Variants in AIRE observed in about 807,000 individuals in gnomAD.
AIRE encodes the protein autoimmune polyendocrinopathy candidiasis ectodermal dystrophy protein.
Under a neutral mutation model 62.1 loss-of-function variants are expected in AIRE, and 52 were observed. That is an observed-to-expected ratio of 0.84 (90% confidence interval 0.67 to 1.06). The LOEUF (loss-of-function observed/expected upper bound fraction) is 1.06. Among genes scored for constraint, AIRE ranks in the 50% least tolerant of loss-of-function variants. The pLI is 0.00. For missense variants in AIRE, 774 were observed against 755.8 expected, an observed-to-expected ratio of 1.02 and a Z score of -0.28; for synonymous variants, 342 against 321.6, an observed-to-expected ratio of 1.06 and a Z score of -0.68.
intron 13 of AIRE, among the ~76,000 whole-genome samples, chr21:44,296,941 CTCTG>C (rs34222038): frequency 0.17 from 25,305 of 152,104 alleles, 2,206 homozygotes; most frequent in East Asian, 0.22. Flanking sequence ...CTTTTAAGGG[CTCTG>C]TCTGTTTTTG....
Position 44,290,020 on chromosome 21 carries a change from C to T in AIRE, c.831C>T (p.Gly277=), listed in dbSNP as rs1180944731. Residue 277 remains glycine, a synonymous_variant, in exon 7 of 14, where the codon GGC becomes GGT. Transcript: ENST00000291582. ...GTGAGGCTAGGCTGGGCCAGCAGGG[C>T]AGCGTTCCCGCCCCTCTGGCCCTCC... ...GGGEARLGQQ[G]SVPAPLALPS... 6.2e-7 allele frequency: 1 copy of T among 1,611,080 alleles called. No homozygotes were observed. The highest frequency in any genetic ancestry group is 8.5e-7 in the Non-Finnish European group (1 of 1,179,478).
intron 10 of AIRE, 136 bp from the exon 11 acceptor site, chr21:44,293,653 G>T (rs908346807): frequency 1.3e-5 from 18 of 1,414,292 alleles, no homozygotes; most frequent in Non-Finnish European, 9.5e-7. Flanking sequence ...GCGTGGCACC[G>T]TGAGGCTCCT....
intron 10 of AIRE, among the ~76,000 whole-genome samples, chr21:44,293,581 T>C (rs1601969621): frequency 6.6e-6 from 1 of 152,060 alleles, no homozygotes; most frequent in Non-Finnish European, 1.5e-5. Context: ...GGCAGCAGCC[T>C]GAGGGTGCTT....
Position 44,296,463 on chromosome 21 carries a change from C to T in AIRE, c.1566+18C>T. 6.2e-7 allele frequency: 1 copy of T among 1,606,158 alleles called. No individual in the cohort carries two copies. Among genetic ancestry groups the T allele is most frequent in the Non-Finnish European group, 8.5e-7 (1 of 1,174,146 alleles). ...TGAGCGAGGTAACGCCTCCCCTGGC[C>T]TCCTGGTGCTCCTCCACTCCCCCTC... On this transcript the variant is annotated intron_variant, in intron 13 of 13. Coordinates refer to ENST00000291582, the MANE Select transcript of AIRE (RefSeq NM_000383.4).
Position 44,287,168 on chromosome 21 carries a change from C to G in AIRE, c.463+35C>G, listed in dbSNP as rs755062200. The G allele has an allele frequency of 1.9e-4, 313 of 1,609,364 alleles. 3 individuals are homozygous for G. The highest frequency in any genetic ancestry group is 3.6e-5 in the Non-Finnish European group (43 of 1,179,466). On this transcript the variant is annotated intron_variant, in intron 3 of 13. Transcript: ENST00000291582. The surrounding 1 kb of genome is among the most constrained non-coding windows in gnomAD (Gnocchi z 4.3). ...CTGCAGGGGAAGCCAGCCAGGGTCT[C>G]CAGTCTTCCCGGGCTTCCCCGGGAG... is the stretch of plus-strand genomic sequence containing the variant.
chr21:44,294,056 C>T (rs2040578043), intron 11 of AIRE, 146 bp downstream of exon 11: 1 of 1,125,632 alleles, frequency 8.9e-7, no homozygotes, highest in Admixed American at 2.1e-5. Flanking sequence ...CCACCCCACA[C>T]CCATGCCCTG....
Position 44,285,934 on chromosome 21 carries a change from G to T in AIRE, c.-73G>T. On this transcript the variant is annotated 5_prime_UTR_variant, in exon 1 of 14. In the 5' UTR this introduces an upstream ATG that the reference lacks. Coordinates refer to ENST00000291582, the MANE Select transcript of AIRE (RefSeq NM_000383.4). ...GCCCCACAGCCCCGCCGGGACCCGA[G>T]GCCAAGCGAGGGGCTGCCAGTGTCC... 6.9e-7 allele frequency: 1 copy of T among 1,448,758 alleles called. No individual in the cohort carries two copies. The highest frequency in any genetic ancestry group is 1.3e-5 in the South Asian group (1 of 78,490). The allele number at this position is 1,448,758 out of a possible 1,614,324, so 89.7% of individuals were successfully genotyped here.
chr21:44,292,397 C>A lies in AIRE; in HGVS notation c.1091C>A (p.Thr364Asn), dbSNP rs757362732. ...EPRPQEPPVE[T>N]PLPPGLRSAG... Reference sequence around the variant, plus strand: ...CGGCCCCAGGAGCCACCCGTGGAGACCCCGGTATGGCCACGCCCCCTCCTA... The same window carrying A: ...CGGCCCCAGGAGCCACCCGTGGAGAACCCGGTATGGCCACGCCCCCTCCTA... Residue 364 changes from threonine to asparagine, a missense_variant, in exon 9 of 14, where the codon ACC becomes AAC. Around this residue, in one of 3 missense-constraint regions of AIRE, gnomAD observed 354 missense variants for 296.1 expected, o/e 1.20. Transcript: ENST00000291582. 3.2e-6 allele frequency: 5 copies of A among 1,550,726 alleles called. No individual in the cohort carries two copies. Among genetic ancestry groups the A allele is most frequent in the East Asian group, 2.4e-5 (1 of 41,372 alleles).
Position 44,293,839 on chromosome 21 carries a change from G to T in AIRE, c.1329G>T (p.Val443=), listed in dbSNP as rs370017667. The stretch of plus-strand genomic sequence containing the variant: ...GGGTGTGCGGAGATGGTACGGACGT[G>T]CTGCGGTGTACTCACTGCGCCGCTG... ...RCGVCGDGTD[V]LRCTHCAAAF... The change falls in exon 11 of 14, where the codon GTG becomes GTT. Residue 443 remains valine, a synonymous_variant. Coordinates refer to ENST00000291582, the MANE Select transcript of AIRE (RefSeq NM_000383.4). The T allele has an allele frequency of 6.3e-7, 1 of 1,597,004 alleles. No homozygotes were observed. Among genetic ancestry groups the T allele is most frequent in the Non-Finnish European group, 8.5e-7 (1 of 1,179,608 alleles).
chr21:44,289,658 C>A lies in AIRE; in HGVS notation c.654C>A (p.Gly218=), dbSNP rs146377356. Residue 218 remains glycine, a splice_region_variant and synonymous_variant, in exon 6 of 14, where the codon GGC becomes GGA. Transcript: ENST00000291582. ...GGACCAGCCGGCATCTCCTCCCAGG[C>A]GGCTCCAAGAAGTGCATCCAGGTTG... ...GILIQQVFES[G]GSKKCIQVGG... The A allele has an allele frequency of 1.6e-5, 26 of 1,612,712 alleles. No individual in the cohort carries two copies. The African/African-American group carries it at 2.4e-4, about 15-fold the overall frequency.
intron 10 of AIRE, 38 bp downstream of exon 10, chr21:44,293,213 G>C: frequency 6.6e-7 from 1 of 1,515,854 alleles, no homozygotes. Flanking sequence ...GCTCTTCAAG[G>C]AGCCCAGGAC....
chr21:44,296,893 G>A (rs563733908), intron 13 of AIRE, among the ~76,000 whole-genome samples: 6 of 152,176 alleles, frequency 3.9e-5, no homozygotes, highest in Non-Finnish European at 5.9e-5. Context: ...GCCTCTCTAC[G>A]CTAAGATGGG....
chr21:44,292,050 T>C (rs2040546591), intron 8 of AIRE, among the ~76,000 whole-genome samples: 1 of 152,160 alleles, frequency 6.6e-6, no homozygotes, highest in African/African-American at 2.4e-5. Flanking sequence ...TCGCAGGTGT[T>C]GGGGATTCCT....
At chr21:44,290,556 G>A in intron 7 of AIRE, 2 of 769,066 alleles carry the variant, frequency 2.6e-6, no homozygotes, top group Non-Finnish European at 3.2e-6. Context: ...TGCCCTGCAG[G>A]AGCACCCGGG....
rs1292703016 is a variant in AIRE, at chr21:44,287,367, T to G, written c.464-150T>G. 1.4e-6 allele frequency: 1 copy of G among 715,808 alleles called. No homozygotes were observed. Among genetic ancestry groups the G allele is most frequent in the East Asian group, 2.7e-5 (1 of 36,864 alleles). 44.3% of individuals were successfully genotyped at this position (715,808 alleles called of 1,614,324 possible). ...GTGAAGTAGGCGGGCGGGTCTCATT[T>G]CCCTTTTACTGATGAGAAACCAGAG... On this transcript the variant is annotated intron_variant, in intron 3 of 13. Coordinates refer to ENST00000291582, the MANE Select transcript of AIRE (RefSeq NM_000383.4). The surrounding 1 kb of genome is among the most constrained non-coding windows in gnomAD (Gnocchi z 4.3).
rs768310786 is a variant in AIRE, at chr21:44,287,510, C to T, written c.464-7C>T. On this transcript the variant is annotated splice_polypyrimidine_tract_variant and splice_region_variant and intron_variant, in intron 3 of 13. Coordinates refer to ENST00000291582, the MANE Select transcript of AIRE (RefSeq NM_000383.4). This position sits in a 1 kb window ranked among gnomAD's most constrained non-coding sequence, Gnocchi z 4.3. Reference sequence around the variant, plus strand: ...GAGGCCAGGCTGCCCCCAGCTCCCCCATTCAGGCTCTCAACTGAAGGCCAA... The same window carrying T: ...GAGGCCAGGCTGCCCCCAGCTCCCCTATTCAGGCTCTCAACTGAAGGCCAA... 5.2e-6 allele frequency: 8 copies of T among 1,551,430 alleles called. No homozygotes were observed. The highest frequency in any genetic ancestry group is 6.1e-6 in the Non-Finnish European group (7 of 1,147,460).
chr21:44,297,334 G>A lies in AIRE; in HGVS notation c.1567-322G>A, dbSNP rs573648397. 7.6e-6 allele frequency among the ~76,000 whole-genome samples: 1 copy of A among 131,624 alleles called. No individual in the cohort carries two copies. Among genetic ancestry groups the A allele is most frequent in the African/African-American group, 2.9e-5 (1 of 33,914 alleles). 86.4% of individuals were successfully genotyped at this position (131,624 alleles called of 152,430 possible). A position where few individuals can be genotyped will look rare whatever the true frequency, so the allele number is the denominator to read the frequency against. The stretch of plus-strand genomic sequence containing the variant: ...CCCCCCCACCCTGAAGGAGCCACCC[G>A]AGGAGGCAGAACTGCCATGAACTGC... On this transcript the variant is annotated intron_variant, in intron 13 of 13. Coordinates refer to ENST00000291582, the MANE Select transcript of AIRE (RefSeq NM_000383.4). The surrounding 1 kb of genome is among the most constrained non-coding windows in gnomAD (Gnocchi z 4.8).
chr21:44,287,803 C>A lies in AIRE; in HGVS notation c.538+212C>A, dbSNP rs987572814. On this transcript the variant is annotated intron_variant, in intron 4 of 13. Coordinates refer to ENST00000291582, the MANE Select transcript of AIRE (RefSeq NM_000383.4). The surrounding 1 kb of genome is among the most constrained non-coding windows in gnomAD (Gnocchi z 4.3). ...ATCTTGCCAGTCGCCCCTGCCCCCA[C>A]TGCACCCTGGTTCTGGGACCCCCTT... 9.2e-5 allele frequency among the ~76,000 whole-genome samples: 14 copies of A among 152,174 alleles called. No individual in the cohort carries two copies. Among genetic ancestry groups the A allele is most frequent in the Non-Finnish European group, 1.6e-4 (11 of 68,018 alleles).
Position 44,290,021 on chromosome 21 carries a change from A to G in AIRE, c.832A>G (p.Ser278Gly), listed in dbSNP as rs754079780. 3.1e-5 allele frequency: 50 copies of G among 1,611,008 alleles called. No homozygotes were observed. Among genetic ancestry groups the G allele is most frequent in the African/African-American group, 4.0e-5 (3 of 74,902 alleles). The change falls in exon 7 of 14, where the codon AGC becomes GGC. Residue 278 changes from serine to glycine, a missense_variant. Ser to Gly is a moderately conservative substitution (Grantham distance 56). This residue lies in a region of AIRE where 385 missense variants were observed against 396.0 expected (regional missense o/e 0.97). Transcript: ENST00000291582. ...GGEARLGQQG[S>G]VPAPLALPSD... Reference sequence around the variant, plus strand: ...TGAGGCTAGGCTGGGCCAGCAGGGCAGCGTTCCCGCCCCTCTGGCCCTCCC... The same window carrying G: ...TGAGGCTAGGCTGGGCCAGCAGGGCGGCGTTCCCGCCCCTCTGGCCCTCCC...
Sources: gnomAD v4.1 joint callset for allele counts (sites outside exome capture counted in the v4.1 genomes callset) on GRCh38, gnomAD v4.1.1 for gene constraint, gnomAD v4.1.1 regional missense constraint, Gnocchi (gnomAD v3.1) non-coding constraint, MANE v1.5 for transcripts, NCBI Gene and HGNC (gene_info 2026-07-23, HGNC 2026-07-21) for gene names.